CNTN4: variants seen among roughly 807,000 people sequenced by gnomAD.
CNTN4 encodes contactin 4.
CNTN4 carries 77 observed loss-of-function variants against 122.5 expected under a neutral mutation model. The observed-to-expected ratio is 0.63, with a 90% confidence interval of 0.52 to 0.76. CNTN4 has a LOEUF of 0.76. Among genes scored for constraint, CNTN4 ranks in the 30% least tolerant of loss-of-function variants. The pLI, the probability that CNTN4 is intolerant of heterozygous loss-of-function variation, is 0.00. For synonymous variants in CNTN4, 512 were observed against 447.0 expected (o/e 1.15, Z -1.83); for missense variants, 1,256 against 1,259.1 (o/e 1.00, Z 0.04).
chr3:2,904,775 C>G (rs1042643851), intron 12 of CNTN4, among the ~76,000 whole-genome samples: 3 of 152,176 alleles, frequency 2.0e-5, no homozygotes, highest in African/African-American at 7.2e-5. Context: ...TACTCTATAT[C>G]AGCTAGTTGG....
chr3:2,575,711 T>A (rs1199672081), intron 4 of CNTN4, among the ~76,000 whole-genome samples: 1 of 152,104 alleles, frequency 6.6e-6, no homozygotes, highest in Non-Finnish European at 1.5e-5. Flanking sequence ...ATGGCAATAT[T>A]TATTTTGACC....
At chr3:2,426,807 A>T (rs1439189861) in intron 3 of CNTN4, among the ~76,000 whole-genome samples, 8 of 152,072 alleles carry the variant, frequency 5.3e-5, no homozygotes, top group Non-Finnish European at 1.2e-4. Context: ...CGGAGGGTGT[A>T]TGTGTCCAGA....
At chr3:2,137,047 C>T (rs576592720) in intron 2 of CNTN4, among the ~76,000 whole-genome samples, 1 of 152,102 alleles carries the variant, frequency 6.6e-6, no homozygotes. Context: ...AAAATATTTT[C>T]CCAGTATCTA....
At chr3:2,136,478 T>G (rs2034697791) in intron 2 of CNTN4, among the ~76,000 whole-genome samples, 1 of 152,194 alleles carries the variant, frequency 6.6e-6, no homozygotes, top group Non-Finnish European at 1.5e-5. Flanking sequence ...ACTCCAGTAT[T>G]TGGGCTCTGT....
chr3:2,996,545 C>G (rs1695553624), intron 14 of CNTN4, among the ~76,000 whole-genome samples: 1 of 151,980 alleles, frequency 6.6e-6, no homozygotes, highest in Non-Finnish European at 1.5e-5. Context: ...TCAGAATAAA[C>G]AAAACAAACA....
chr3:2,900,891 A>G (rs1378631827), intron 11 of CNTN4, 70 bp downstream of exon 11: 3 of 1,566,546 alleles, frequency 1.9e-6, no homozygotes, highest in Non-Finnish European at 2.6e-6. Flanking sequence ...TTGCCGTGGA[A>G]ACGGGAGAAT....
At chr3:2,133,503 A>T (rs543802848) in intron 2 of CNTN4, among the ~76,000 whole-genome samples, 1 of 152,340 alleles carries the variant, frequency 6.6e-6, no homozygotes, top group East Asian at 1.9e-4. Context: ...ATCTGTTCTC[A>T]AAAGAGTATA....
intron 4 of CNTN4, among the ~76,000 whole-genome samples, chr3:2,605,986 A>G (rs982585616): frequency 1.3e-5 from 2 of 152,204 alleles, no homozygotes; most frequent in South Asian, 4.1e-4. Flanking sequence ...TGGGGAGCTA[A>G]GGCCTGAGCC....
intron 2 of CNTN4, among the ~76,000 whole-genome samples, chr3:2,296,112 G>A (rs1007166175): frequency 6.6e-6 from 1 of 152,132 alleles, no homozygotes; most frequent in Admixed American, 6.5e-5. Context: ...CAGGTAGCGT[G>A]ATGCCTCCAA....
chr3:3,029,010 G>A (rs1215554839), intron 15 of CNTN4, among the ~76,000 whole-genome samples: 2 of 152,152 alleles, frequency 1.3e-5, no homozygotes, highest in Non-Finnish European at 2.9e-5. Context: ...CTACGGTCCT[G>A]AGTCCTGAGT....
chr3:2,961,678 C>T (rs1004736195), intron 13 of CNTN4, among the ~76,000 whole-genome samples: 5 of 151,552 alleles, frequency 3.3e-5, no homozygotes, highest in African/African-American at 1.2e-4. Context: ...AAGTCACACA[C>T]AACAACACTG....
chr3:2,217,676 A>G (rs2038902495), intron 2 of CNTN4, among the ~76,000 whole-genome samples: 1 of 96,408 alleles, frequency 1.0e-5, no homozygotes. Flanking sequence ...TGAGAAAAGC[A>G]TTATAAAGAG....
At chr3:2,267,329 C>G (rs1206969575) in intron 2 of CNTN4, among the ~76,000 whole-genome samples, 2 of 152,076 alleles carry the variant, frequency 1.3e-5, no homozygotes, top group East Asian at 1.9e-4. Flanking sequence ...TTTCAAAGAG[C>G]CATTTTCTTT....
At chr3:2,828,717 TA>T (rs947997506) in intron 7 of CNTN4, among the ~76,000 whole-genome samples, 3 of 152,186 alleles carry the variant, frequency 2.0e-5, no homozygotes, top group Non-Finnish European at 4.4e-5. Context: ...ATACCTTTTT[TA>T]AAAAAATCAG....
intron 6 of CNTN4, among the ~76,000 whole-genome samples, chr3:2,769,320 T>C (rs1198609669): frequency 6.6e-6 from 1 of 151,642 alleles, no homozygotes; most frequent in East Asian, 1.9e-4. Flanking sequence ...AAACAATTAG[T>C]CGGGCGTGGT....
chr3:2,647,356 G>A (rs912876262), intron 4 of CNTN4, among the ~76,000 whole-genome samples: 45 of 151,756 alleles, frequency 3.0e-4, no homozygotes, highest in African/African-American at 8.7e-4. Flanking sequence ...ACTCCAGCCT[G>A]GGCAACGAGA....
At chr3:2,230,351 C>G (rs1006318263) in intron 2 of CNTN4, among the ~76,000 whole-genome samples, 8 of 152,164 alleles carry the variant, frequency 5.3e-5, no homozygotes, top group African/African-American at 1.9e-4. Context: ...TACGGTTGTT[C>G]AGATAGACAA....
intron 3 of CNTN4, among the ~76,000 whole-genome samples, chr3:2,421,488 G>C (rs1172190693): frequency 6.6e-6 from 1 of 152,190 alleles, no homozygotes; most frequent in Non-Finnish European, 1.5e-5. Flanking sequence ...CTGACTTCAA[G>C]TGATCTGCCC....
At chr3:2,784,569 G>A (rs2091736610) in intron 6 of CNTN4, among the ~76,000 whole-genome samples, 2 of 152,168 alleles carry the variant, frequency 1.3e-5, no homozygotes, top group South Asian at 4.1e-4. Flanking sequence ...TCTAAGGAAA[G>A]AAAGATCATG....
Sources: gnomAD v4.1 joint callset for allele counts (sites outside exome capture counted in the v4.1 genomes callset) on GRCh38, gnomAD v4.1.1 for gene constraint, MANE v1.5 for transcripts, NCBI Gene and HGNC (gene_info 2026-07-23, HGNC 2026-07-21) for gene names.